BPNT2: variants seen among roughly 807,000 people sequenced by gnomAD.
BPNT2 encodes the protein Golgi-resident adenosine 3',5'-bisphosphate 3'-phosphatase.
Under a neutral mutation model 29.3 loss-of-function variants are expected in BPNT2, and 11 were observed. The observed-to-expected ratio is 0.38, with a 90% CI of 0.24 to 0.62. The LOEUF (loss-of-function observed/expected upper bound fraction) is 0.62. Among genes scored for constraint, BPNT2 ranks in the 20% least tolerant of loss-of-function variants. The probability of loss-of-function intolerance (pLI) is 0.62; values close to 1 mark genes in which losing one functional copy is unlikely to be tolerated. For synonymous variants in BPNT2, 195 were observed against 187.7 expected (o/e 1.04, Z -0.32); for missense variants, 459 against 473.4 (o/e 0.97, Z 0.28).
chr8:56,977,339 T>C (rs1385401128), intron 3 of BPNT2, among the ~76,000 whole-genome samples: 1 of 152,154 alleles, frequency 6.6e-6, no homozygotes, highest in Non-Finnish European at 1.5e-5. Context: ...GGCTCTCTCC[T>C]AGCTTCTGGT....
intron 1 of BPNT2, among the ~76,000 whole-genome samples, chr8:56,992,520 C>T (rs1806433110): frequency 1.3e-5 from 2 of 152,098 alleles, no homozygotes; most frequent in African/African-American, 4.8e-5. Context: ...CAAAGAAAAG[C>T]CAAATGTTAT....
intron 1 of BPNT2, among the ~76,000 whole-genome samples, chr8:56,990,148 TC>T (rs1321908766): frequency 6.6e-6 from 1 of 152,206 alleles, no homozygotes; most frequent in Non-Finnish European, 1.5e-5. Flanking sequence ...ATCTTATAGG[TC>T]AAGGAAGGCA....
intron 3 of BPNT2, among the ~76,000 whole-genome samples, chr8:56,968,419 A>G (rs1805983791): frequency 6.6e-6 from 1 of 151,962 alleles, no homozygotes; most frequent in Admixed American, 6.6e-5. Context: ...AAGAGTCAAC[A>G]TACATATATA....
chr8:56,972,144 T>C lies in BPNT2; in HGVS notation c.647-5792A>G, dbSNP rs552424970. ...ATGTAATCATCTCTGTGTGAGCAGT[T>C]TGTCTCTCCGGCAAACTGCTCATCA... On this transcript the variant is annotated intron_variant, in intron 3 of 4. Coordinates refer to ENST00000262644, the MANE Select transcript of BPNT2 (RefSeq NM_017813.5). Among the ~76,000 whole-genome samples, 11 of 152,018 alleles carry C rather than the reference T, an allele frequency of 7.2e-5. No individual in the cohort carries two copies. The South Asian group carries it at 1.0e-3, about 14-fold the overall frequency.
At chr8:56,980,679 A>C (rs972618976) in intron 1 of BPNT2, among the ~76,000 whole-genome samples, 1 of 151,694 alleles carries the variant, frequency 6.6e-6, no homozygotes, top group Non-Finnish European at 1.5e-5. Flanking sequence ...AATAAATTTA[A>C]CTTACCATAC....
chr8:56,993,262 G>T lies in BPNT2; in HGVS notation c.324C>A (p.Ser108Arg). The T allele has an allele frequency of 6.2e-7, 1 of 1,609,958 alleles. No homozygotes were observed. Reference protein sequence around the residue: ...TREGAEDKMTSGDVLSNRKMF... With the variant: ...TREGAEDKMTRGDVLSNRKMF... ...TCTTGCGGTTGGACAGCACGTCGCCGCTGGTCATCTTGTCCTCGGCTCCCT... is the reference window on the plus strand; with the variant it reads ...TCTTGCGGTTGGACAGCACGTCGCCTCTGGTCATCTTGTCCTCGGCTCCCT... The change falls in exon 1 of 5, where the codon AGC (serine) becomes AGA (arginine). Residue 108 changes from serine (S) to arginine (R), a missense_variant. Ser to Arg is a moderately radical substitution (Grantham distance 110, BLOSUM62 -1). Coordinates refer to ENST00000262644, the MANE Select transcript of BPNT2 (RefSeq NM_017813.5).
chr8:56,980,678 A>T (rs1419823605), intron 1 of BPNT2, among the ~76,000 whole-genome samples: 1 of 151,762 alleles, frequency 6.6e-6, no homozygotes, highest in Non-Finnish European at 1.5e-5. Flanking sequence ...AAATAAATTT[A>T]ACTTACCATA....
chr8:56,973,331 T>A (rs1044563075), intron 3 of BPNT2, among the ~76,000 whole-genome samples: 1 of 152,098 alleles, frequency 6.6e-6, no homozygotes, highest in African/African-American at 2.4e-5. Flanking sequence ...TTATACAAAG[T>A]ACTCTATGGA....
intron 1 of BPNT2, among the ~76,000 whole-genome samples, chr8:56,988,921 A>G (rs1042280207): frequency 1.3e-5 from 2 of 152,108 alleles, no homozygotes; most frequent in African/African-American, 4.8e-5. Flanking sequence ...TTCCTTCTAC[A>G]TCTATCTTCT....
intron 3 of BPNT2, chr8:56,967,346 T>C: frequency 2.3e-6 from 1 of 429,260 alleles, no homozygotes. Context: ...GAAGAACAAA[T>C]AGAAATACCC....
At chr8:56,971,106 T>C (rs1326874271) in intron 3 of BPNT2, among the ~76,000 whole-genome samples, 2 of 152,118 alleles carry the variant, frequency 1.3e-5, no homozygotes, top group Admixed American at 6.5e-5. Context: ...TCATGTTACA[T>C]AAACTCAATA....
In BPNT2 at chr8:56,963,679, A is replaced by C. The variant is rs1805883464; in HGVS notation, c.*114T>G. 2.5e-6 allele frequency: 3 copies of C among 1,222,916 alleles called. No homozygotes were observed. Among genetic ancestry groups the C allele is most frequent in the Non-Finnish European group, 3.6e-6 (3 of 842,318 alleles). 75.8% of individuals were successfully genotyped at this position (1,222,916 alleles called of 1,614,324 possible). A position where few individuals can be genotyped will look rare whatever the true frequency, so the allele number is the denominator to read the frequency against. ...GTCTCTGATGCTTCATAAATACTTT[A>C]AAAAGTTCGGGATGGCCTTAACCAT... is the stretch of plus-strand genomic sequence containing the variant. On this transcript the variant is annotated 3_prime_UTR_variant, in exon 5 of 5. Coordinates refer to ENST00000262644, the MANE Select transcript of BPNT2 (RefSeq NM_017813.5).
intron 3 of BPNT2, among the ~76,000 whole-genome samples, chr8:56,968,173 G>C (rs1377563902): frequency 6.6e-6 from 1 of 151,816 alleles, no homozygotes; most frequent in Non-Finnish European, 1.5e-5. Context: ...CAGAAAAGAT[G>C]GGCAAACAAT....
chr8:56,979,904 G>T, intron 2 of BPNT2, 131 bp downstream of exon 2: 1 of 790,164 alleles, frequency 1.3e-6, no homozygotes, highest in Non-Finnish European at 2.2e-6. Context: ...AAAACATTTT[G>T]CTACTACTGT....
intron 1 of BPNT2, among the ~76,000 whole-genome samples, chr8:56,983,790 A>G (rs1806284364): frequency 6.6e-6 from 1 of 152,104 alleles, no homozygotes; most frequent in Admixed American, 6.5e-5. Context: ...AAACTGGACA[A>G]GGCATTTCTG....
intron 3 of BPNT2, among the ~76,000 whole-genome samples, chr8:56,968,561 C>G (rs1805985736): frequency 6.6e-6 from 1 of 152,106 alleles, no homozygotes; most frequent in African/African-American, 2.4e-5. Context: ...TCCTAGTACT[C>G]TGGGAGGCCA....
intron 1 of BPNT2, among the ~76,000 whole-genome samples, chr8:56,985,471 C>T (rs1035072262): frequency 3.9e-5 from 6 of 152,074 alleles, no homozygotes; most frequent in African/African-American, 1.2e-4. Context: ...TGCCCCCTCC[C>T]GACACCCAGC....
intron 1 of BPNT2, among the ~76,000 whole-genome samples, chr8:56,988,047 C>T (rs1181594788): frequency 6.6e-6 from 1 of 152,096 alleles, no homozygotes; most frequent in African/African-American, 2.4e-5. Flanking sequence ...ATTTTCTAAA[C>T]ATATAAATAA....
chr8:56,973,571 G>A (rs1441329670), intron 3 of BPNT2, among the ~76,000 whole-genome samples: 1 of 152,118 alleles, frequency 6.6e-6, no homozygotes, highest in Non-Finnish European at 1.5e-5. Context: ...TTTTTAAAAG[G>A]TGGGGCGTAG....
Sources: gnomAD v4.1 joint callset for allele counts (sites outside exome capture counted in the v4.1 genomes callset) on GRCh38, gnomAD v4.1.1 for gene constraint, MANE v1.5 for transcripts, NCBI Gene and HGNC (gene_info 2026-07-23, HGNC 2026-07-21) for gene names.